The following HS3ST4 variants were observed in gnomAD, a reference collection of about 807,000 sequenced individuals.
HS3ST4 encodes heparan sulfate-glucosamine 3-sulfotransferase 4, also known as heparan sulfate glucosamine 3-O-sulfotransferase 4.
Under a neutral mutation model 29.2 loss-of-function variants are expected in HS3ST4, and 17 were observed. That is an observed-to-expected ratio of 0.58 (90% CI 0.40 to 0.87). HS3ST4 has a LOEUF of 0.87. HS3ST4 is among the 40% of genes least tolerant of loss of function. HS3ST4 has a pLI of 0.00. For synonymous variants in HS3ST4, 314 were observed against 285.7 expected (o/e 1.10, Z -1.00); for missense variants, 627 against 634.5 (o/e 0.99, Z 0.13).
chr16:25,870,203 A>ACCAT (rs527610908), intron 1 of HS3ST4, among the ~76,000 whole-genome samples: 134 of 151,446 alleles, frequency 8.8e-4, no homozygotes, highest in African/African-American at 2.8e-3. Flanking sequence ...CATCCATCCA[A>ACCAT]CCATCCATCC....
intron 1 of HS3ST4, among the ~76,000 whole-genome samples, chr16:26,092,851 C>A (rs745954572): frequency 1.3e-5 from 2 of 152,100 alleles, no homozygotes; most frequent in South Asian, 4.2e-4. Flanking sequence ...GAAGCCATGA[C>A]AGACTGTACC....
chr16:25,728,013 A>T (rs2141592420), intron 1 of HS3ST4, among the ~76,000 whole-genome samples: 1 of 152,194 alleles, frequency 6.6e-6, no homozygotes, highest in Middle Eastern at 3.4e-3. Flanking sequence ...TAATATATAG[A>T]TTTTTTGAGA....
At chr16:25,914,834 A>G (rs558733104) in intron 1 of HS3ST4, among the ~76,000 whole-genome samples, 2 of 151,992 alleles carry the variant, frequency 1.3e-5, no homozygotes, top group Non-Finnish European at 2.9e-5. Context: ...CTGGAGGCTC[A>G]TGAAGGAAAT....
intron 1 of HS3ST4, among the ~76,000 whole-genome samples, chr16:26,019,220 T>A (rs891349371): frequency 6.6e-6 from 1 of 152,082 alleles, no homozygotes; most frequent in African/African-American, 2.4e-5. Context: ...GCAGTGGGGT[T>A]CATGCATCCC....
chr16:26,110,170 T>C (rs1474946892), intron 1 of HS3ST4, among the ~76,000 whole-genome samples: 1 of 152,238 alleles, frequency 6.6e-6, no homozygotes, highest in Non-Finnish European at 1.5e-5. Flanking sequence ...GTCTTGCTTA[T>C]TTCACTTAGC....
chr16:25,827,168 T>C (rs535011431), intron 1 of HS3ST4, among the ~76,000 whole-genome samples: 1 of 152,300 alleles, frequency 6.6e-6, no homozygotes, highest in Admixed American at 6.5e-5. Flanking sequence ...AGATCCAACG[T>C]AGCTGCTCTC....
At chr16:25,930,921 C>CA (rs971410807) in intron 1 of HS3ST4, among the ~76,000 whole-genome samples, 383 of 147,728 alleles carry the variant, frequency 2.6e-3, no homozygotes, top group African/African-American at 7.6e-3. Context: ...AAAACAAAAA[C>CA]AAAAAAAAAA....
chr16:25,925,744 A>G (rs1968395746), intron 1 of HS3ST4, among the ~76,000 whole-genome samples: 1 of 152,148 alleles, frequency 6.6e-6, no homozygotes, highest in Non-Finnish European at 1.5e-5. Flanking sequence ...TTAGCACAGG[A>G]GATAGAATCT....
In HS3ST4 at chr16:25,834,551, A is replaced by G. The variant is rs137859319; in HGVS notation, c.734+141400A>G. ...TGAAAAGCAAGTTGCACAAGTATCT[A>G]TGTAATGTGTAGCCATTTATAGTAT... On this transcript the variant is annotated intron_variant, in intron 1 of 1. Coordinates refer to ENST00000331351, the MANE Select transcript of HS3ST4 (RefSeq NM_006040.3). Among the ~76,000 whole-genome samples, 7 of 152,378 alleles carry G rather than the reference A, an allele frequency of 4.6e-5. No individual in the cohort carries two copies. In the East Asian group the frequency reaches 1.3e-3, roughly 29 times the overall value.
intron 1 of HS3ST4, among the ~76,000 whole-genome samples, chr16:26,046,145 ATTTTTTT>A (rs146624042): frequency 3.5e-5 from 4 of 114,636 alleles, no homozygotes; most frequent in East Asian, 4.9e-4. Flanking sequence ...AGGACAGGAA[ATTTTTTT>A]TTTTTTTTTT....
At chr16:25,859,237 T>C (rs1967613821) in intron 1 of HS3ST4, among the ~76,000 whole-genome samples, 1 of 152,162 alleles carries the variant, frequency 6.6e-6, no homozygotes, top group Non-Finnish European at 1.5e-5. Context: ...AATGAGCTTC[T>C]TGGAAAATTT....
At chr16:26,070,328 T>C (rs189843700) in intron 1 of HS3ST4, among the ~76,000 whole-genome samples, 110 of 152,344 alleles carry the variant, frequency 7.2e-4, no homozygotes, top group African/African-American at 2.4e-3. Context: ...CATTTTTTCA[T>C]GTGTCTGTTG....
At chr16:25,747,487 T>C (rs1966692308) in intron 1 of HS3ST4, among the ~76,000 whole-genome samples, 1 of 152,238 alleles carries the variant, frequency 6.6e-6, no homozygotes, top group South Asian at 2.1e-4. Flanking sequence ...GCATTCCACA[T>C]TTCAGAACCA....
chr16:26,007,630 C>T (rs1436359099), intron 1 of HS3ST4, among the ~76,000 whole-genome samples: 1 of 152,218 alleles, frequency 6.6e-6, no homozygotes, highest in Non-Finnish European at 1.5e-5. Flanking sequence ...ACAAAGTGCA[C>T]AGGCTCACAA....
intron 1 of HS3ST4, among the ~76,000 whole-genome samples, chr16:25,820,327 G>C (rs1450634772): frequency 6.6e-6 from 1 of 152,170 alleles, no homozygotes; most frequent in African/African-American, 2.4e-5. Flanking sequence ...CACAGCTGAA[G>C]GAACTTGGGC....
rs1966251640 is a variant in HS3ST4 at position 25,692,123 on chromosome 16, G to C, written c.-295G>C. 2 of 149,476 alleles carry C rather than the reference G, an allele frequency of 1.3e-5. No individual in the cohort carries two copies. The highest frequency in any genetic ancestry group is 4.2e-4 in the South Asian group (2 of 4,804). 9.3% of individuals were successfully genotyped at this position (149,476 alleles called of 1,614,324 possible). On this transcript the variant is annotated 5_prime_UTR_variant, in exon 1 of 2. Coordinates refer to ENST00000331351, the MANE Select transcript of HS3ST4 (RefSeq NM_006040.3). ...CGGAGCAGGTGCCGCCGGCGGGTCC[G>C]CGCGCCCCCCTCGGTCCCCTTGCCT...
chr16:25,814,586 C>T (rs766662573), intron 1 of HS3ST4, among the ~76,000 whole-genome samples: 14 of 152,178 alleles, frequency 9.2e-5, no homozygotes, highest in Admixed American at 8.5e-4. Flanking sequence ...ACCTTGTGAT[C>T]CGCCTGCCTT....
intron 1 of HS3ST4, among the ~76,000 whole-genome samples, chr16:25,870,203 A>C (rs73513399): frequency 0.078 from 11,748 of 151,432 alleles, 1,478 homozygotes; most frequent in African/African-American, 0.27. Flanking sequence ...CATCCATCCA[A>C]CCATCCATCC....
At chr16:26,070,077 T>A (rs985775760) in intron 1 of HS3ST4, among the ~76,000 whole-genome samples, 1 of 152,142 alleles carries the variant, frequency 6.6e-6, no homozygotes, top group African/African-American at 2.4e-5. Flanking sequence ...TACCCAGTAA[T>A]GGGATGGCTG....
Sources: gnomAD v4.1 joint callset for allele counts (sites outside exome capture counted in the v4.1 genomes callset) on GRCh38, gnomAD v4.1.1 for gene constraint, MANE v1.5 for transcripts, NCBI Gene and HGNC (gene_info 2026-07-23, HGNC 2026-07-21) for gene names.